Variants in PIP5K1C observed in about 807,000 individuals in gnomAD.
PIP5K1C encodes phosphatidylinositol-4-phosphate 5-kinase type 1 gamma.
PIP5K1C carries 45 observed loss-of-function variants against 80.1 expected under a neutral mutation model. The observed-to-expected ratio is 0.56, with a 90% CI of 0.44 to 0.72. The LOEUF is 0.72. Among genes scored for constraint, PIP5K1C ranks in the 30% least tolerant of loss-of-function variants. The pLI, the probability that PIP5K1C is intolerant of heterozygous loss-of-function variation, is 0.00. For missense variants in PIP5K1C, 753 were observed against 954.6 expected (o/e 0.79, Z 2.78); for synonymous variants, 498 against 420.1 (o/e 1.19, Z -2.27).
intron 16 of PIP5K1C, chr19:3,636,264 TG>T: frequency 2.2e-6 from 1 of 451,482 alleles, no homozygotes; most frequent in Non-Finnish European, 2.9e-6. Context: ...ACAGGGGAAG[TG>T]GGGGGCAGTA....
chr19:3,651,868 T>C lies in PIP5K1C; in HGVS notation c.1085A>G (p.Gln362Arg). 6.2e-7 allele frequency: 1 copy of C among 1,612,658 alleles called. No homozygotes were observed. The highest frequency in any genetic ancestry group is 8.5e-7 in the Non-Finnish European group (1 of 1,179,906). Residue 362 changes from glutamine to arginine, a missense_variant, in exon 8 of 18, where the codon CAG (glutamine) becomes CGG (arginine). Around this residue, in one of 6 missense-constraint regions of PIP5K1C, gnomAD observed 114 missense variants for 152.4 expected, o/e 0.75. Transcript: ENST00000335312. Reference sequence around the variant, plus strand: ...GGCCTCCCCGCGCGCGGCGCCACCCTGGATGGACTCCATGGCCGTGGAGTA... The same window carrying C: ...GGCCTCCCCGCGCGCGGCGCCACCCCGGATGGACTCCATGGCCGTGGAGTA... ...ALYSTAMESI[Q>R]GGAARGEAIE...
chr19:3,656,816 G>A (rs1315295713), intron 5 of PIP5K1C, among the ~76,000 whole-genome samples: 1 of 152,214 alleles, frequency 6.6e-6, no homozygotes, highest in East Asian at 1.9e-4. Context: ...CTCTCCTTAG[G>A]AGCGGACACC....
chr19:3,699,919 T>C (rs2036243903), intron 1 of PIP5K1C, among the ~76,000 whole-genome samples: 1 of 152,130 alleles, frequency 6.6e-6, no homozygotes, highest in Non-Finnish European at 1.5e-5. Flanking sequence ...GTCTGGGGAC[T>C]TACAGAAAGG....
In PIP5K1C at chr19:3,641,687, C is replaced by T. The variant is rs369902021; in HGVS notation, c.1787+18G>A. 4.1e-4 allele frequency: 662 copies of T among 1,597,012 alleles called. 18 individuals are homozygous for T. The South Asian group carries it at 6.7e-3, about 16-fold the overall frequency. ...GCAGCAGGTGGGCGCCCCGACCTCCCGCCGAGGCCGTGCTCACCCTGCGTC... is the reference window on the plus strand; with the variant it reads ...GCAGCAGGTGGGCGCCCCGACCTCCTGCCGAGGCCGTGCTCACCCTGCGTC... On this transcript the variant is annotated intron_variant, in intron 15 of 17. Coordinates refer to ENST00000335312, the MANE Select transcript of PIP5K1C (RefSeq NM_012398.3).
rs1365375994 is a variant in PIP5K1C, at chr19:3,696,934, G to A, written c.94+3363C>T. Among the ~76,000 whole-genome samples the A allele has an allele frequency of 1.3e-5, 2 of 152,208 alleles. No homozygotes were observed. Among genetic ancestry groups the A allele is most frequent in the Non-Finnish European group, 2.9e-5 (2 of 68,034 alleles). On this transcript the variant is annotated intron_variant, in intron 1 of 17. Coordinates refer to ENST00000335312, the MANE Select transcript of PIP5K1C (RefSeq NM_012398.3). This position sits in a 1 kb window ranked among gnomAD's most constrained non-coding sequence, Gnocchi z 4.1. ...CAGGGAGCAGAGGAAGAGCAGGGGCGCCAGGCCTGGCTCAGGGGGCAAAGG... is the reference window on the plus strand; with the variant it reads ...CAGGGAGCAGAGGAAGAGCAGGGGCACCAGGCCTGGCTCAGGGGGCAAAGG...
At chr19:3,677,672 G>C (rs964384030) in intron 1 of PIP5K1C, among the ~76,000 whole-genome samples, 15 of 149,822 alleles carry the variant, frequency 1.0e-4, no homozygotes, top group African/African-American at 3.5e-4. Context: ...ACTTTGAAAG[G>C]CTTCCAAAAA....
intron 11 of PIP5K1C, among the ~76,000 whole-genome samples, chr19:3,645,100 C>T (rs912711775): frequency 5.9e-5 from 9 of 152,200 alleles, no homozygotes; most frequent in Non-Finnish European, 1.0e-4. Context: ...ACCTCGAGGC[C>T]GTGAGCAAGT....
intron 9 of PIP5K1C, among the ~76,000 whole-genome samples, chr19:3,647,610 G>A (rs1264293453): frequency 2.6e-5 from 4 of 152,122 alleles, no homozygotes; most frequent in African/African-American, 9.7e-5. Context: ...GAACCATCTG[G>A]TCCCAATGTC....
At chr19:3,652,113 A>G in intron 7 of PIP5K1C, 82 bp from the exon 8 acceptor site, 2 of 1,366,448 alleles carry the variant, frequency 1.5e-6, no homozygotes. Flanking sequence ...TGGGGTTCCC[A>G]GCACGGATGG....
At chr19:3,662,395 C>T (rs759345333) in intron 3 of PIP5K1C, among the ~76,000 whole-genome samples, 25 of 152,202 alleles carry the variant, frequency 1.6e-4, no homozygotes, top group Non-Finnish European at 3.7e-4. Flanking sequence ...GCCCAGATCA[C>T]TTTCACATCT....
At chr19:3,661,201 C>A in intron 4 of PIP5K1C, 118 bp from the exon 5 acceptor site, 1 of 677,198 alleles carries the variant, frequency 1.5e-6, no homozygotes, top group Non-Finnish European at 2.6e-6. Flanking sequence ...AGCTCCAAGA[C>A]TTCCTTGAAA....
chr19:3,632,844 T>G lies in PIP5K1C; in HGVS notation c.*323A>C. 5 of 365,016 alleles carry G rather than the reference T, an allele frequency of 1.4e-5. No homozygotes were observed. In the East Asian group the frequency reaches 1.7e-4, roughly 12 times the overall value. 22.6% of individuals were successfully genotyped at this position (365,016 alleles called of 1,614,324 possible). On this transcript the variant is annotated 3_prime_UTR_variant, in exon 18 of 18. Coordinates refer to ENST00000335312, the MANE Select transcript of PIP5K1C (RefSeq NM_012398.3). Reference sequence around the variant, plus strand: ...GGGCAGGGGCTCTTCTCCCTCTGGTTGGTTTGTTTGTGTCTTTTTTGTTCT... The same window carrying G: ...GGGCAGGGGCTCTTCTCCCTCTGGTGGGTTTGTTTGTGTCTTTTTTGTTCT...
In PIP5K1C at chr19:3,633,047, T is replaced by C; in HGVS notation, c.*120A>G. 3.0e-6 allele frequency: 2 copies of C among 665,026 alleles called. No homozygotes were observed. Among genetic ancestry groups the C allele is most frequent in the Admixed American group, 4.3e-5 (2 of 46,898 alleles). 41.2% of individuals were successfully genotyped at this position (665,026 alleles called of 1,614,324 possible). On this transcript the variant is annotated 3_prime_UTR_variant, in exon 18 of 18. Coordinates refer to ENST00000335312, the MANE Select transcript of PIP5K1C (RefSeq NM_012398.3). ...GCATCCGTGCAGGGGGAGGACGAGGTCCGGTGGGGCGGCGAGGCGGGCATC... is the reference window on the plus strand; with the variant it reads ...GCATCCGTGCAGGGGGAGGACGAGGCCCGGTGGGGCGGCGAGGCGGGCATC...
chr19:3,651,033 G>A (rs1195672152), intron 8 of PIP5K1C, among the ~76,000 whole-genome samples: 1 of 150,646 alleles, frequency 6.6e-6, no homozygotes, highest in South Asian at 2.1e-4. Flanking sequence ...TGGGATTACA[G>A]GTGTGAGCCA....
rs1400286451 is a variant in PIP5K1C at position 3,637,861 on chromosome 19, C to T, written c.1920+1023G>A. The T allele has an allele frequency of 5.9e-6, 9 of 1,535,328 alleles. No individual in the cohort carries two copies. The highest frequency in any genetic ancestry group is 1.2e-5 in the South Asian group (1 of 84,044). ...CACACAGCACGACATGGCCCCCAGG[C>T]CCCCCGTACCATCCGGAGACCAGGA... On this transcript the variant is annotated intron_variant, in intron 16 of 17. Coordinates refer to ENST00000335312, the MANE Select transcript of PIP5K1C (RefSeq NM_012398.3). The surrounding 1 kb of genome is among the most constrained non-coding windows in gnomAD (Gnocchi z 7.0).
At chr19:3,683,766 T>TGCCTCCC (rs1238693456) in intron 1 of PIP5K1C, among the ~76,000 whole-genome samples, 14 of 152,156 alleles carry the variant, frequency 9.2e-5, no homozygotes, top group Non-Finnish European at 1.9e-4. Context: ...GCACAGCCAG[T>TGCCTCCC]ACGGAGGCCC....
intron 2 of PIP5K1C, among the ~76,000 whole-genome samples, chr19:3,666,440 G>A (rs1387933098): frequency 6.6e-6 from 1 of 152,262 alleles, no homozygotes; most frequent in South Asian, 2.1e-4. Context: ...GCAATGACAG[G>A]ACCCATGTAC....
intron 1 of PIP5K1C, among the ~76,000 whole-genome samples, chr19:3,683,950 G>A (rs1158077632): frequency 8.7e-5 from 4 of 46,222 alleles, no homozygotes; most frequent in Middle Eastern, 0.016. Context: ...TGGAGCCCCC[G>A]CTTCCTCTCC....
At chr19:3,652,127 C>T (rs1020138024) in intron 7 of PIP5K1C, 96 bp from the exon 8 acceptor site, 9 of 1,178,890 alleles carry the variant, frequency 7.6e-6, no homozygotes, top group East Asian at 4.9e-5. Flanking sequence ...CGGATGGCCC[C>T]GTGGGCTCGG....
Sources: allele counts gnomAD v4.1 joint callset (sites outside exome capture counted in the v4.1 genomes callset), GRCh38; gene constraint gnomAD v4.1.1; regional missense constraint gnomAD v4.1.1; non-coding constraint Gnocchi (gnomAD v3.1); transcripts MANE v1.5; gene names NCBI Gene and HGNC (gene_info 2026-07-23, HGNC 2026-07-21).